Variants in UFD1 observed in about 807,000 individuals in gnomAD.
The protein encoded by UFD1 is ubiquitin recognition factor in ER associated degradation 1.
Under a neutral mutation model 45.9 loss-of-function variants are expected in UFD1, and 13 were observed. That is an observed-to-expected ratio of 0.28 (90% CI 0.18 to 0.45). UFD1 has a LOEUF of 0.45. Ranked by LOEUF, UFD1 falls within the 20% of genes least tolerant of loss-of-function variation. The pLI is 1.00. For synonymous variants in UFD1, 128 were observed against 139.2 expected (o/e 0.92, Z 0.56); for missense variants, 218 against 389.2 (o/e 0.56, Z 3.70).
intron 11 of UFD1, chr22:19,454,430 C>T (rs2089706752): frequency 2.7e-6 from 2 of 732,316 alleles, no homozygotes; most frequent in Non-Finnish European, 3.6e-6. Context: ...GTGCTGTTAT[C>T]ATGATAGTGA....
intron 3 of UFD1, among the ~76,000 whole-genome samples, chr22:19,472,478 C>T (rs10428063): frequency 4.6e-5 from 7 of 152,182 alleles, no homozygotes; most frequent in African/African-American, 1.7e-4. Context: ...ACATAGGACG[C>T]CCCCTCTCTC....
At chr22:19,474,322 G>GA (rs2089866130) in intron 3 of UFD1, among the ~76,000 whole-genome samples, 1 of 152,066 alleles carries the variant, frequency 6.6e-6, no homozygotes, top group Admixed American at 6.6e-5. Context: ...AGGCAGGCAG[G>GA]TCACCTGAGG....
At chr22:19,456,475 G>A in intron 9 of UFD1, 112 bp downstream of exon 9, 2 of 1,433,508 alleles carry the variant, frequency 1.4e-6, no homozygotes, top group African/African-American at 1.4e-5. Context: ...GGTACCCAGA[G>A]GCCTAACCCC....
Position 19,458,851 on chromosome 22 carries a change from T to C in UFD1, c.496-712A>G, listed in dbSNP as rs552200626. ...TGTACAGATGCTCCTTGACTTATGATGGAACCAAGTCCCATAAACTTATAA... is the reference window on the plus strand; with the variant it reads ...TGTACAGATGCTCCTTGACTTATGACGGAACCAAGTCCCATAAACTTATAA... On this transcript the variant is annotated intron_variant, in intron 6 of 11. Coordinates refer to ENST00000263202, the MANE Select transcript of UFD1 (RefSeq NM_005659.7). Among the ~76,000 whole-genome samples, 287 of 152,364 alleles carry C rather than the reference T, an allele frequency of 1.9e-3. 1 individual carries two copies. Among genetic ancestry groups the C allele is most frequent in the Non-Finnish European group, 3.2e-3 (219 of 68,030 alleles).
intron 5 of UFD1, 72 bp from the exon 6 acceptor site, chr22:19,465,346 T>C: frequency 7.6e-7 from 1 of 1,317,886 alleles, no homozygotes; most frequent in Non-Finnish European, 1.1e-6. Context: ...CCATGTTAGA[T>C]GATTACTGGT....
chr22:19,456,969 G>A, intron 7 of UFD1, 51 bp from the exon 8 acceptor site: 2 of 1,294,320 alleles, frequency 1.5e-6, no homozygotes, highest in Non-Finnish European at 2.2e-6. Context: ...ACCACCCTTG[G>A]CTTCCTTTTT....
chr22:19,455,716 G>A lies in UFD1; in HGVS notation c.731C>T (p.Pro244Leu). 1.9e-6 allele frequency: 3 copies of A among 1,614,034 alleles called. No individual in the cohort carries two copies. The South Asian group carries it at 3.3e-5, about 18-fold the overall frequency. ...TCCAGGCTTGATTGGGGAGGGGCTG[G>A]GCTCTACCCCTTTCTTCTTTCCATC... ...RLDGKKKGVE[P>L]SPSPIKPGDI... is the part of the protein sequence containing the mutation. Residue 244 changes from proline to leucine, a missense_variant, in exon 10 of 12, where the codon CCC becomes CTC. By Grantham distance (98) the Pro-to-Leu change is moderately conservative. Transcript: ENST00000263202.
At chr22:19,454,468 A>G (rs2089707079) in intron 11 of UFD1, 1 of 733,592 alleles carries the variant, frequency 1.4e-6, no homozygotes, top group South Asian at 2.2e-5. Flanking sequence ...TGATGGTTTT[A>G]TAAGTAGGTG....
intron 3 of UFD1, among the ~76,000 whole-genome samples, chr22:19,472,476 C>T (rs769835319): frequency 2.0e-5 from 3 of 152,182 alleles, no homozygotes; most frequent in Non-Finnish European, 4.4e-5. Flanking sequence ...TGACATAGGA[C>T]GCCCCCTCTC....
chr22:19,453,454 C>T (rs2089698518), intron 11 of UFD1: 1 of 985,390 alleles, frequency 1.0e-6, no homozygotes, highest in African/African-American at 1.7e-5. Flanking sequence ...GCTGTGCCCA[C>T]TGGCCTCCCC....
intron 11 of UFD1, chr22:19,453,232 T>C: frequency 1.0e-6 from 1 of 985,400 alleles, no homozygotes. Context: ...TTCCACAATC[T>C]ACACAGAACT....
Position 19,465,480 on chromosome 22 carries a change from G to A in UFD1, c.423-206C>T, listed in dbSNP as rs535788951. On this transcript the variant is annotated intron_variant, in intron 5 of 11. Coordinates refer to ENST00000263202, the MANE Select transcript of UFD1 (RefSeq NM_005659.7). ...TAATATGGATGAAATGCCAAGCTGGGGTAACAAATGCCAAGCTGGGGGAAG... is the reference window on the plus strand; with the variant it reads ...TAATATGGATGAAATGCCAAGCTGGAGTAACAAATGCCAAGCTGGGGGAAG... 275 of 513,038 alleles carry A rather than the reference G, an allele frequency of 5.4e-4. 6 individuals are homozygous for A. In the South Asian group the frequency reaches 6.3e-3, roughly 12 times the overall value. 31.8% of individuals were successfully genotyped at this position (513,038 alleles called of 1,614,324 possible).
At chr22:19,462,533 C>G (rs530684053) in intron 6 of UFD1, among the ~76,000 whole-genome samples, 1 of 151,832 alleles carries the variant, frequency 6.6e-6, no homozygotes, top group African/African-American at 2.4e-5. Flanking sequence ...CAAGTGGTGG[C>G]ACATGCCTGT....
At position 19,450,302 on chromosome 22, in the gene UFD1, AAAAG is replaced by A. The variant is rs780177610; in HGVS notation, c.*364_*367del. On this transcript the variant is annotated 3_prime_UTR_variant, in exon 12 of 12. Transcript: ENST00000263202. ...TAGGAAAAGAAAGGATAAATGAAGAAAAAGAAAGAACACTTCATGTTAGACAATT... is the reference window on the plus strand; with the variant it reads ...TAGGAAAAGAAAGGATAAATGAAGAAAAAGAACACTTCATGTTAGACAATT... 1.3e-4 allele frequency: 23 copies of A among 181,632 alleles called. No homozygotes were observed. Among genetic ancestry groups the A allele is most frequent in the Non-Finnish European group, 2.3e-4 (20 of 85,842 alleles). The allele number at this position is 181,632 out of a possible 1,614,324, so 11.3% of individuals were successfully genotyped here.
At chr22:19,479,055 C>A (rs768226645) in intron 1 of UFD1, 28 bp downstream of exon 1, 12 of 1,609,312 alleles carry the variant, frequency 7.5e-6, no homozygotes, top group Non-Finnish European at 1.0e-5. Flanking sequence ...CAAGGCCCAG[C>A]CCCCGCCCGC....
At chr22:19,479,002 C>T in intron 1 of UFD1, 81 bp downstream of exon 1, 1 of 1,429,966 alleles carries the variant, frequency 7.0e-7, no homozygotes, top group Non-Finnish European at 9.5e-7. Context: ...CGCCGCCGTC[C>T]CGCCCCGCCC....
In UFD1 at chr22:19,471,766, T is replaced by C. The variant is rs1033146997; in HGVS notation, c.212A>G (p.Asn71Ser). 1.2e-6 allele frequency: 2 copies of C among 1,614,166 alleles called. No individual in the cohort carries two copies. The highest frequency in any genetic ancestry group is 1.7e-6 in the Non-Finnish European group (2 of 1,180,044). ...ATGCGTCATGCGGTCCGAATTCTTA[T>C]TGGTCAGTTTGAACAGCATGGGATA... Reference protein sequence around the residue: ...ITYPMLFKLTNKNSDRMTHCG... With the variant: ...ITYPMLFKLTSKNSDRMTHCG... Residue 71 changes from asparagine (N) to serine (S), a missense_variant, in exon 4 of 12, where the codon AAT becomes AGT. Around this residue, in one of 2 missense-constraint regions of UFD1, gnomAD observed 149 missense variants for 307.5 expected, o/e 0.48. Coordinates refer to ENST00000263202, the MANE Select transcript of UFD1 (RefSeq NM_005659.7).
At chr22:19,453,354 G>A in intron 11 of UFD1, 2 of 985,370 alleles carry the variant, frequency 2.0e-6, no homozygotes, top group Non-Finnish European at 2.4e-6. Flanking sequence ...AGCCTTAGTG[G>A]GGCTGCAGGA....
chr22:19,461,567 A>G (rs2089766552), intron 6 of UFD1, among the ~76,000 whole-genome samples: 1 of 152,256 alleles, frequency 6.6e-6, no homozygotes, highest in Non-Finnish European at 1.5e-5. Context: ...ATGTATCTGT[A>G]TCAAGTGACA....
Sources: gnomAD v4.1 joint callset for allele counts (sites outside exome capture counted in the v4.1 genomes callset) on GRCh38, gnomAD v4.1.1 for gene constraint, gnomAD v4.1.1 regional missense constraint, MANE v1.5 for transcripts, NCBI Gene and HGNC (gene_info 2026-07-23, HGNC 2026-07-21) for gene names.